The following JMJD1C variants were observed in gnomAD, a reference collection of about 807,000 sequenced individuals.
JMJD1C encodes the protein jumonji domain containing 1C.
A neutral mutation model predicts 245.3 loss-of-function variants in JMJD1C; 31 were observed. The ratio of observed to expected loss-of-function variants is 0.13; its 90% CI spans 0.09 to 0.17. JMJD1C has a LOEUF of 0.17. Among genes scored for constraint, JMJD1C ranks in the 10% least tolerant of loss-of-function variants. The probability of loss-of-function intolerance (pLI) is 1.00; values close to 1 mark genes in which losing one functional copy is unlikely to be tolerated. For synonymous variants in JMJD1C, 1,057 were observed against 1,017.4 expected (o/e 1.04, Z -0.74); for missense variants, 2,691 against 3,000.2 (o/e 0.90, Z 2.41).
At chr10:63,444,647 CAG>C (rs1005573612) in intron 1 of JMJD1C, among the ~76,000 whole-genome samples, 5 of 133,528 alleles carry the variant, frequency 3.7e-5, no homozygotes, top group African/African-American at 1.1e-4. Context: ...TTTTTGGAGA[CAG>C]AGTTTCACTC....
intron 1 of JMJD1C, among the ~76,000 whole-genome samples, chr10:63,481,466 G>A (rs776583989): frequency 3.3e-5 from 5 of 150,098 alleles, no homozygotes; most frequent in Non-Finnish European, 7.4e-5. Flanking sequence ...TTAAAAATAT[G>A]AGCAGTAATC....
At chr10:63,413,981 A>G (rs558878543) in intron 1 of JMJD1C, among the ~76,000 whole-genome samples, 43 of 149,236 alleles carry the variant, frequency 2.9e-4, no homozygotes, top group Admixed American at 1.3e-3. Flanking sequence ...GTATGCTATC[A>G]ATACTTTTTT....
intron 1 of JMJD1C, among the ~76,000 whole-genome samples, chr10:63,518,075 G>A (rs1479146986): frequency 2.0e-5 from 3 of 152,120 alleles, no homozygotes; most frequent in Non-Finnish European, 1.5e-5. Context: ...TTACAGGCAT[G>A]AGCCACCGCA....
At chr10:63,439,289 G>T (rs1951227385) in intron 1 of JMJD1C, among the ~76,000 whole-genome samples, 1 of 152,156 alleles carries the variant, frequency 6.6e-6, no homozygotes, top group African/African-American at 2.4e-5. Flanking sequence ...AAGTTATTGT[G>T]TAATGTTCTG....
At chr10:63,387,966 C>T (rs1237015832) in intron 1 of JMJD1C, among the ~76,000 whole-genome samples, 1 of 151,980 alleles carries the variant, frequency 6.6e-6, no homozygotes, top group African/African-American at 2.4e-5. Flanking sequence ...CCTTAAAGAA[C>T]GAGCAAATCC....
chr10:63,352,149 A>G (rs1012670090), intron 2 of JMJD1C, among the ~76,000 whole-genome samples: 5 of 152,238 alleles, frequency 3.3e-5, no homozygotes, highest in Non-Finnish European at 5.9e-5. Flanking sequence ...ACAGATTAAC[A>G]CAGACTAACT....
intron 24 of JMJD1C, among the ~76,000 whole-genome samples, chr10:63,174,325 G>GA (rs1564548717): frequency 6.6e-6 from 1 of 151,736 alleles, no homozygotes; most frequent in Non-Finnish European, 1.5e-5. Flanking sequence ...TTTAAAAAAT[G>GA]AAAAAAATAT....
At position 63,207,740 on chromosome 10, in the gene JMJD1C, G is replaced by A; in HGVS notation, c.3929C>T (p.Ser1310Phe). The A allele has an allele frequency of 6.2e-7, 1 of 1,614,188 alleles. No homozygotes were observed. The highest frequency in any genetic ancestry group is 8.5e-7 in the Non-Finnish European group (1 of 1,180,024). Residue 1310 changes from serine to phenylalanine, a missense_variant, in exon 10 of 26, where the codon TCT becomes TTT. Ser to Phe is a radical substitution (Grantham distance 155, BLOSUM62 -2). Around this residue, in one of 9 missense-constraint regions of JMJD1C, gnomAD observed 1,562 missense variants for 1,490.7 expected, o/e 1.05. Coordinates refer to ENST00000399262, the MANE Select transcript of JMJD1C (RefSeq NM_032776.3). ...AAMASVIVRP[S>F]SSTKTDSMPA... ...CATACTATCAGTTTTTGTACTAGAA[G>A]ATGGACGCACAATGACAGATGCCAT...
At chr10:63,387,496 G>A (rs978769810) in intron 1 of JMJD1C, among the ~76,000 whole-genome samples, 7 of 151,426 alleles carry the variant, frequency 4.6e-5, no homozygotes, top group African/African-American at 1.5e-4. Context: ...AACAAATTCG[G>A]GACCTGATGT....
intron 1 of JMJD1C, among the ~76,000 whole-genome samples, chr10:63,473,854 C>A (rs537140305): frequency 6.6e-6 from 1 of 151,646 alleles, no homozygotes. Context: ...ACCAGCCTGG[C>A]CAACATGGTG....
chr10:63,279,153 G>A (rs1008489178), intron 2 of JMJD1C, among the ~76,000 whole-genome samples: 2 of 151,978 alleles, frequency 1.3e-5, no homozygotes, highest in South Asian at 4.2e-4. Flanking sequence ...AGGAGGCTGA[G>A]GCAGGAGAAT....
chr10:63,494,271 A>G lies in JMJD1C; in HGVS notation n.113+27467T>C, dbSNP rs1440473480. ...GGTTGCGGTGAGCTGAGATTGCGCC[A>G]CTGCACTCCAGCCTGGGCAACATAA... On this transcript the variant is annotated intron_variant and non_coding_transcript_variant, in intron 1 of 3. Coordinates refer to the JMJD1C transcript ENST00000633035. Among the ~76,000 whole-genome samples the G allele has an allele frequency of 5.9e-5, 9 of 152,098 alleles. No homozygotes were observed. In the East Asian group the frequency reaches 1.7e-3, roughly 29 times the overall value.
rs1004686546 is a variant in JMJD1C, at chr10:63,269,284, T to A, written c.334-4520A>T. The A allele has an allele frequency of 1.7e-5, 14 of 844,012 alleles. No individual in the cohort carries two copies. The African/African-American group carries it at 2.6e-4, about 16-fold the overall frequency. The allele number at this position is 844,012 out of a possible 1,614,324, so 52.3% of individuals were successfully genotyped here. On this transcript the variant is annotated intron_variant, in intron 2 of 25. Transcript: ENST00000399262. ...GCGGTGCTCTGTAAACTGTAACTAA[T>A]CCCCCGTCACAGGTGCTGATGGAGT...
chr10:63,396,929 GT>G (rs1289435997), intron 1 of JMJD1C, among the ~76,000 whole-genome samples: 9,974 of 129,998 alleles, frequency 0.077, 258 homozygotes, highest in Middle Eastern at 0.11. Flanking sequence ...CTGGTTTTTG[GT>G]TTTTTTTTTT....
Position 63,264,690 on chromosome 10 carries a change from C to T in JMJD1C, c.408G>A (p.Leu136=). Residue 136 remains leucine (L), a synonymous_variant, in exon 3 of 26, where the codon CTG becomes CTA. Coordinates refer to ENST00000399262, the MANE Select transcript of JMJD1C (RefSeq NM_032776.3). ...TAVEFLVDKQ[L]DFLTEDSAFQ... is the part of the protein sequence containing the mutation. ...AGGCACTATCTTCAGTTAAAAAATC[C>T]AGTTGCTTATCTACAAGGAATTCTA... 6.3e-7 allele frequency: 1 copy of T among 1,586,904 alleles called. No individual in the cohort carries two copies.
In JMJD1C at chr10:63,400,878, G is replaced by T. The variant is rs140366462; in HGVS notation, c.169-20396C>A. Among the ~76,000 whole-genome samples, 490 of 151,216 alleles carry T rather than the reference G, an allele frequency of 3.2e-3. 2 individuals carry two copies. The highest frequency in any genetic ancestry group is 0.012 in the African/African-American group (475 of 41,100). On this transcript the variant is annotated intron_variant, in intron 1 of 25. Transcript: ENST00000399262. ...TAAGCCACCACATCCAGCCCTTTTT[G>T]TTGTTGTTGTTTTTGTTTTGAGGCA...
At chr10:63,390,844 C>G (rs1947994907) in intron 1 of JMJD1C, among the ~76,000 whole-genome samples, 1 of 152,012 alleles carries the variant, frequency 6.6e-6, no homozygotes, top group African/African-American at 2.4e-5. Context: ...TGAAAAATAC[C>G]TCAACATAAT....
intron 3 of JMJD1C, among the ~76,000 whole-genome samples, chr10:63,237,817 T>C (rs1850926596): frequency 1.3e-5 from 2 of 151,910 alleles, no homozygotes; most frequent in Non-Finnish European, 2.9e-5. Flanking sequence ...TTTCAGATTT[T>C]AGATTTTTGG....
At chr10:63,443,240 C>T (rs759777460) in intron 1 of JMJD1C, among the ~76,000 whole-genome samples, 41 of 152,282 alleles carry the variant, frequency 2.7e-4, no homozygotes, top group Middle Eastern at 3.4e-3. Flanking sequence ...GCTTCCACAC[C>T]CTCTCTCAGG....
Sources: allele counts gnomAD v4.1 joint callset (sites outside exome capture counted in the v4.1 genomes callset), GRCh38; gene constraint gnomAD v4.1.1; regional missense constraint gnomAD v4.1.1; transcripts MANE v1.5; gene names NCBI Gene and HGNC (gene_info 2026-07-23, HGNC 2026-07-21).